The following CCDC15 variants were observed in gnomAD, a reference collection of about 807,000 sequenced individuals.
The protein encoded by CCDC15 is coiled-coil domain containing 15.
CCDC15 carries 105 observed loss-of-function variants against 114.5 expected under a neutral mutation model. The observed-to-expected ratio is 0.92, with a 90% CI of 0.78 to 1.08. The LOEUF is 1.08. CCDC15 is among the 50% of genes least tolerant of loss of function. CCDC15 has a pLI of 0.00. For synonymous variants in CCDC15, 334 were observed against 377.8 expected, an observed-to-expected ratio of 0.88 and a Z score of 1.34; for missense variants, 1,105 against 1,093.6, an observed-to-expected ratio of 1.01 and a Z score of -0.15.
intron 8 of CCDC15, 21 bp downstream of exon 8, chr11:124,988,155 G>A: frequency 6.3e-7 from 1 of 1,584,498 alleles, no homozygotes; most frequent in Admixed American, 1.9e-5. Flanking sequence ...GCAGAAAGGA[G>A]ATACAAAAAG....
chr11:125,013,243 G>A (rs1948607351), intron 13 of CCDC15, among the ~76,000 whole-genome samples: 1 of 152,134 alleles, frequency 6.6e-6, no homozygotes, highest in Non-Finnish European at 1.5e-5. Flanking sequence ...CTTAAAGGAT[G>A]AATTGAAGTT....
At chr11:124,956,684 C>T (rs937159567) in intron 2 of CCDC15, among the ~76,000 whole-genome samples, 1 of 152,146 alleles carries the variant, frequency 6.6e-6, no homozygotes, top group African/African-American at 2.4e-5. Context: ...ATATTAAAGT[C>T]TTGGAACATG....
At chr11:124,994,242 T>C (rs1410969200) in intron 11 of CCDC15, among the ~76,000 whole-genome samples, 4 of 152,168 alleles carry the variant, frequency 2.6e-5, no homozygotes, top group Middle Eastern at 3.2e-3. Context: ...CTTTCACCCA[T>C]GCACCAGAGA....
chr11:124,991,500 G>T lies in CCDC15; in HGVS notation c.1948G>T (p.Glu650Ter). ...GGAGCCATACTCTGATATGACAGAT[G>T]AGAAAGGGAGAGAAGACTTTTCTCT... is the stretch of plus-strand genomic sequence containing the variant. ...FKEPYSDMTD[E>*]KGREDFSLAD... The change falls in exon 9 of 16, where the codon GAG becomes TAG. Residue 650 changes from glutamate to a stop codon, truncating the protein, a stop_gained. Coordinates refer to ENST00000344762, the MANE Select transcript of CCDC15 (RefSeq NM_025004.3). LOFTEE classifies it high-confidence loss of function. 1 of 1,602,550 alleles carries T rather than the reference G, an allele frequency of 6.2e-7. No homozygotes were observed. The highest frequency in any genetic ancestry group is 1.1e-5 in the South Asian group (1 of 90,284).
At chr11:125,026,756 A>G (rs1482157520) in intron 13 of CCDC15, among the ~76,000 whole-genome samples, 3 of 152,064 alleles carry the variant, frequency 2.0e-5, no homozygotes, top group Non-Finnish European at 2.9e-5. Flanking sequence ...TTTTATTTCA[A>G]TAGCTGTTGG....
chr11:124,980,258 T>G (rs1416318915), intron 6 of CCDC15, among the ~76,000 whole-genome samples: 1 of 152,206 alleles, frequency 6.6e-6, no homozygotes, highest in Non-Finnish European at 1.5e-5. Context: ...TGCCAGGTTT[T>G]GGTATCAGGA....
intron 13 of CCDC15, among the ~76,000 whole-genome samples, chr11:125,032,193 A>G (rs1948743972): frequency 2.0e-5 from 3 of 152,244 alleles, no homozygotes; most frequent in African/African-American, 7.2e-5. Context: ...GGAAGTGGAA[A>G]GTGATCAAGG....
At position 125,003,850 on chromosome 11, in the gene CCDC15, C is replaced by G. The variant is rs778837817; in HGVS notation, c.2215-17C>G. 2 of 1,462,224 alleles carry G rather than the reference C, an allele frequency of 1.4e-6. No homozygotes were observed. The highest frequency in any genetic ancestry group is 9.2e-7 in the Non-Finnish European group (1 of 1,085,248). 90.6% of individuals were successfully genotyped at this position (1,462,224 alleles called of 1,614,324 possible). The stretch of plus-strand genomic sequence containing the variant: ...TTGGTAATTTTGTCACTTTGTGTGA[C>G]TGGACCTTCTTAACAGGCTTATGAT... On this transcript the variant is annotated splice_polypyrimidine_tract_variant and intron_variant, in intron 11 of 15. Transcript: ENST00000344762.
intron 6 of CCDC15, 42 bp from the exon 7 acceptor site, chr11:124,986,700 T>TGTGCGTGCGC (rs878887902): frequency 1.5e-6 from 2 of 1,352,954 alleles, no homozygotes; most frequent in Non-Finnish European, 2.0e-6. Context: ...TTTGTGTGTG[T>TGTGCGTGCGC]GCGCGCGCGC....
intron 4 of CCDC15, among the ~76,000 whole-genome samples, chr11:124,973,615 G>A (rs943043035): frequency 6.6e-6 from 1 of 151,878 alleles, no homozygotes; most frequent in Non-Finnish European, 1.5e-5. Flanking sequence ...TATTAATAAA[G>A]CCATAAAATT....
In CCDC15 at chr11:124,993,227, C is replaced by T. The variant is rs182254337; in HGVS notation, c.2198C>T (p.Thr733Ile). 121 of 1,602,120 alleles carry T rather than the reference C, an allele frequency of 7.6e-5. No homozygotes were observed. Among genetic ancestry groups the T allele is most frequent in the Middle Eastern group, 1.7e-4 (1 of 6,048 alleles). Residue 733 changes from threonine to isoleucine, a missense_variant, in exon 11 of 16, where the codon ACT (threonine) becomes ATT (isoleucine). By Grantham distance (89) the Thr-to-Ile change is moderately conservative (BLOSUM62 -1). Coordinates refer to ENST00000344762, the MANE Select transcript of CCDC15 (RefSeq NM_025004.3). ...AAATGGGAGATTGCAAGAGGAAATA[C>T]TCCTGGAGTGCCCTTGGTATGTTTC... ...FEKWEIARGN[T>I]PGVPLAYDRY... is the part of the protein sequence containing the mutation.
chr11:124,991,315 A>C, intron 8 of CCDC15, 146 bp from the exon 9 acceptor site: 1 of 454,002 alleles, frequency 2.2e-6, no homozygotes, highest in Non-Finnish European at 3.8e-6. Context: ...GAACTGACAA[A>C]AAGTATGAGT....
At chr11:124,991,313 A>C in intron 8 of CCDC15, 148 bp from the exon 9 acceptor site, 1 of 450,468 alleles carries the variant, frequency 2.2e-6, no homozygotes, top group Admixed American at 3.7e-5. Context: ...CAGAACTGAC[A>C]AAAAGTATGA....
intron 2 of CCDC15, among the ~76,000 whole-genome samples, chr11:124,957,447 A>C (rs1191389505): frequency 6.6e-6 from 1 of 152,214 alleles, no homozygotes; most frequent in Non-Finnish European, 1.5e-5. Flanking sequence ...TCCTCACAGC[A>C]TGGTAATCTC....
At chr11:125,039,174 G>C in intron 15 of CCDC15, 105 bp downstream of exon 15, 1 of 1,086,968 alleles carries the variant, frequency 9.2e-7, no homozygotes, top group Non-Finnish European at 1.3e-6. Context: ...CTATGTATCA[G>C]AGACTGTTAT....
chr11:125,035,964 T>C lies in CCDC15; in HGVS notation c.2412-2467T>C, dbSNP rs1353419956. Among the ~76,000 whole-genome samples the C allele has an allele frequency of 2.6e-5, 4 of 151,870 alleles. No homozygotes were observed. In the East Asian group the frequency reaches 7.8e-4, roughly 29 times the overall value. ...CTTGAAAAGTTGTAATTATTATTTT[T>C]GATCAGTTCATCTTTTAGTCTTCCC... is the stretch of plus-strand genomic sequence containing the variant. On this transcript the variant is annotated intron_variant, in intron 13 of 15. Coordinates refer to ENST00000344762, the MANE Select transcript of CCDC15 (RefSeq NM_025004.3).
intron 13 of CCDC15, among the ~76,000 whole-genome samples, chr11:125,035,131 C>T (rs546992363): frequency 2.5e-4 from 38 of 152,190 alleles, no homozygotes; most frequent in Non-Finnish European, 4.6e-4. Flanking sequence ...AGTCTATTCA[C>T]GTTCTTCTGC....
intron 14 of CCDC15, 141 bp from the exon 15 acceptor site, chr11:125,038,780 G>C: frequency 1.6e-6 from 2 of 1,217,714 alleles, no homozygotes; most frequent in Non-Finnish European, 2.3e-6. Context: ...GTAGCCCTGC[G>C]TTTTTCCCAG....
chr11:124,979,986 G>T (rs1459257106), intron 6 of CCDC15, among the ~76,000 whole-genome samples: 1 of 152,066 alleles, frequency 6.6e-6, no homozygotes, highest in Non-Finnish European at 1.5e-5. Context: ...TAACATGAAA[G>T]GATGTTGAAT....
Sources: gnomAD v4.1 joint callset for allele counts (sites outside exome capture counted in the v4.1 genomes callset) on GRCh38, gnomAD v4.1.1 for gene constraint, MANE v1.5 for transcripts, NCBI Gene and HGNC (gene_info 2026-07-23, HGNC 2026-07-21) for gene names.